Variants in IQSEC2 observed in about 807,000 individuals in gnomAD.
IQSEC2 encodes IQ motif and Sec7 domain ArfGEF 2.
Under a neutral mutation model 74.6 loss-of-function variants are expected in IQSEC2, and 6 were observed. The observed-to-expected ratio is 0.08, with a 90% CI of 0.04 to 0.16. IQSEC2 has a LOEUF of 0.16. Among genes scored for constraint, IQSEC2 ranks in the 10% least tolerant of loss-of-function variants. The pLI is 1.00. For synonymous variants in IQSEC2, 494 were observed against 544.5 expected (o/e 0.91, Z 1.29); for missense variants, 734 against 1,306.2 (o/e 0.56, Z 6.75).
intron 1 of IQSEC2, among the ~76,000 whole-genome samples, chrX:53,295,548 G>A (rs2075142473): frequency 1.0e-5 from 1 of 97,177 alleles, no homozygotes; most frequent in Non-Finnish European, 2.0e-5. Context: ...AGCTTGCAGT[G>A]AGCCGAGATT....
intron 1 of IQSEC2, among the ~76,000 whole-genome samples, chrX:53,306,172 C>T (rs782007884): frequency 4.5e-5 from 5 of 112,186 alleles, no homozygotes; most frequent in South Asian, 3.7e-4. Context: ...CAAGCCCCCC[C>T]GAGTGCTTGG....
rs932077903 is a variant in IQSEC2, at chrX:53,299,849, C to T, written c.708-7925G>A. ...CACAGCCTTGACCTCCTGGGCTCAT[C>T]AAGCGATCCTCCCACCTCAGCCTCC... is the stretch of plus-strand genomic sequence containing the variant. On this transcript the variant is annotated intron_variant, in intron 1 of 14. Coordinates refer to ENST00000642864, the MANE Select transcript of IQSEC2 (RefSeq NM_001111125.3). 3.6e-5 allele frequency among the ~76,000 whole-genome samples: 4 copies of T among 111,316 alleles called. No individual in the cohort carries two copies. In the East Asian group the frequency reaches 1.1e-3, roughly 32 times the overall value.
At chrX:53,256,652 C>T (rs2046875213) in intron 2 of IQSEC2, among the ~76,000 whole-genome samples, 2 of 112,232 alleles carry the variant, frequency 1.8e-5, no homozygotes, top group East Asian at 2.8e-4. Flanking sequence ...GGCCCCTGCC[C>T]CCTGGTGCCT....
chrX:53,235,836 C>T lies in IQSEC2; in HGVS notation c.3452-4G>A. 8.6e-7 allele frequency: 1 copy of T among 1,161,879 alleles called. No individual in the cohort carries two copies. The highest frequency in any genetic ancestry group is 3.3e-5 in the East Asian group (1 of 30,677). ...CTGTTACGCCGCCCCCGCTTCCCTG[C>T]ACCCACAAGCAAGGAGCCCAGCGTC... is the stretch of plus-strand genomic sequence containing the variant. On this transcript the variant is annotated splice_polypyrimidine_tract_variant and splice_region_variant and intron_variant, in intron 13 of 14. Coordinates refer to ENST00000642864, the MANE Select transcript of IQSEC2 (RefSeq NM_001111125.3).
At chrX:53,295,284 C>G in intron 1 of IQSEC2, among the ~76,000 whole-genome samples, 1 of 111,694 alleles carries the variant, frequency 9.0e-6, no homozygotes, top group Non-Finnish European at 1.9e-5. Context: ...GTAATCTGAC[C>G]AGAGATTTTA....
chrX:53,266,098 C>G (rs1176792973), intron 2 of IQSEC2, among the ~76,000 whole-genome samples: 1 of 112,140 alleles, frequency 8.9e-6, no homozygotes, highest in East Asian at 2.8e-4. Flanking sequence ...CAACCCTTCT[C>G]CTTTTTATAG....
chrX:53,245,858 CTTTTTTT>C (rs368569948), intron 8 of IQSEC2, among the ~76,000 whole-genome samples: 1 of 75,673 alleles, frequency 1.3e-5, no homozygotes, highest in African/African-American at 4.7e-5. Context: ...CTCAATTGTT[CTTTTTTT>C]TTTTTTTTTT....
At chrX:53,282,552 AG>A (rs2074981376) in intron 2 of IQSEC2, among the ~76,000 whole-genome samples, 1 of 112,724 alleles carries the variant, frequency 8.9e-6, no homozygotes, top group Non-Finnish European at 1.9e-5. Flanking sequence ...GGGAGGGGCC[AG>A]GGGGCCAGTG....
chrX:53,315,247 C>T (rs2075359752), intron 1 of IQSEC2, among the ~76,000 whole-genome samples: 1 of 111,526 alleles, frequency 9.0e-6, no homozygotes, highest in Admixed American at 9.5e-5. Flanking sequence ...AAAAATTAGT[C>T]GGGGGTGGTG....
chrX:53,291,633 G>T (rs1323173242), intron 2 of IQSEC2, among the ~76,000 whole-genome samples: 1 of 111,157 alleles, frequency 9.0e-6, no homozygotes, highest in Non-Finnish European at 1.9e-5. Context: ...CAGCTCCTAT[G>T]AGCCCCTATG....
intron 4 of IQSEC2, among the ~76,000 whole-genome samples, chrX:53,252,943 G>C (rs145860629): frequency 9.1e-6 from 1 of 110,232 alleles, no homozygotes; most frequent in African/African-American, 3.4e-5. Flanking sequence ...TCCAGGCCTG[G>C]TTTCTCTCTT....
chrX:53,292,074 T>C (rs1424627074), intron 1 of IQSEC2, 150 bp from the exon 2 acceptor site: 2 of 473,024 alleles, frequency 4.2e-6, no homozygotes, highest in Non-Finnish European at 7.2e-6. Context: ...GAGAAGAGAA[T>C]AGCAAGTGCA....
chrX:53,317,708 T>C (rs2075391895), intron 1 of IQSEC2, among the ~76,000 whole-genome samples: 1 of 112,376 alleles, frequency 8.9e-6, no homozygotes. Flanking sequence ...CCGCTCTACC[T>C]AGCCTCCCCC....
chrX:53,252,779 G>T (rs2074411563), intron 4 of IQSEC2, among the ~76,000 whole-genome samples: 1 of 112,094 alleles, frequency 8.9e-6, no homozygotes, highest in African/African-American at 3.2e-5. Flanking sequence ...ACTCTCTTGG[G>T]TCAGTTTTAA....
At chrX:53,289,321 C>T (rs1018993565) in intron 2 of IQSEC2, among the ~76,000 whole-genome samples, 4 of 111,075 alleles carry the variant, frequency 3.6e-5, no homozygotes, top group African/African-American at 1.3e-4. Flanking sequence ...CAGAGCCTCG[C>T]CTCTCTCCTC....
chrX:53,286,252 A>G (rs782561475), intron 2 of IQSEC2, among the ~76,000 whole-genome samples: 85 of 112,070 alleles, frequency 7.6e-4, no homozygotes, highest in Admixed American at 3.9e-3. Flanking sequence ...TTTTAGACAA[A>G]ACAGCATGTT....
intron 2 of IQSEC2, among the ~76,000 whole-genome samples, chrX:53,284,909 T>C (rs1602342133): frequency 8.9e-6 from 1 of 112,173 alleles, no homozygotes; most frequent in South Asian, 3.7e-4. Flanking sequence ...AAACTGTTAC[T>C]GGGTCCTGCA....
chrX:53,237,683 G>A (rs1248114659), intron 12 of IQSEC2: 9 of 160,837 alleles, frequency 5.6e-5, no homozygotes, highest in Admixed American at 2.8e-4. Flanking sequence ...CAGGAAATAC[G>A]GATTTTTTGA....
intron 1 of IQSEC2, among the ~76,000 whole-genome samples, chrX:53,318,756 G>A (rs782647948): frequency 8.0e-5 from 9 of 112,643 alleles, no homozygotes; most frequent in African/African-American, 2.3e-4. Flanking sequence ...TAATGAGTCC[G>A]CTCCCTCTGT....
Sources: gnomAD v4.1 joint callset for allele counts (sites outside exome capture counted in the v4.1 genomes callset) on GRCh38, gnomAD v4.1.1 for gene constraint, MANE v1.5 for transcripts, NCBI Gene and HGNC (gene_info 2026-07-23, HGNC 2026-07-21) for gene names.